MDN1: variants seen among roughly 807,000 people sequenced by gnomAD.
The protein encoded by MDN1 is midasin.
MDN1 carries 266 observed loss-of-function variants against 669.2 expected under a neutral mutation model. The ratio of observed to expected loss-of-function variants is 0.40; its 90% CI spans 0.36 to 0.44. The LOEUF (loss-of-function observed/expected upper bound fraction) is 0.44. MDN1 is among the 20% of genes least tolerant of loss of function. MDN1 has a pLI of 1.00. For synonymous variants in MDN1, 2,385 were observed against 2,457.1 expected, an observed-to-expected ratio of 0.97 and a Z score of 0.87; for missense variants, 5,940 against 6,754.0, an observed-to-expected ratio of 0.88 and a Z score of 4.22.
intron 49 of MDN1, 57 bp from the exon 50 acceptor site, chr6:89,710,851 G>A (rs374975599): frequency 2.0e-5 from 20 of 995,068 alleles, no homozygotes; most frequent in Middle Eastern, 4.1e-4. Context: ...CCAATTGAAC[G>A]TTCTGCAGTG....
In MDN1 at chr6:89,774,470, C is replaced by A. The variant is rs955926229; in HGVS notation, c.1934+151G>T. The A allele has an allele frequency of 9.2e-6, 5 of 543,938 alleles. No homozygotes were observed. In the East Asian group the frequency reaches 1.6e-4, roughly 17 times the overall value. The allele number at this position is 543,938 out of a possible 1,614,324, so 33.7% of individuals were successfully genotyped here. A position where few individuals can be genotyped will look rare whatever the true frequency, so the allele number is the denominator to read the frequency against. ...TTGATATCTAATTTCACAGAACATACTTTGGGAAAACACTGCTCCTTCCCA... is the reference window on the plus strand; with the variant it reads ...TTGATATCTAATTTCACAGAACATAATTTGGGAAAACACTGCTCCTTCCCA... On this transcript the variant is annotated intron_variant, in intron 13 of 101. Transcript: ENST00000369393.
chr6:89,662,056 A>G (rs1394734251), intron 87 of MDN1, 31 bp downstream of exon 87: 6 of 1,596,052 alleles, frequency 3.8e-6, no homozygotes, highest in Non-Finnish European at 5.1e-6. Flanking sequence ...CCTTGAGTCA[A>G]GAGAGCGGAT....
rs1365724504 is a variant in MDN1, at chr6:89,786,811, G to C, written c.1334+1043C>G. 2.0e-5 allele frequency among the ~76,000 whole-genome samples: 3 copies of C among 150,848 alleles called. No homozygotes were observed. The East Asian group carries it at 5.9e-4, about 30-fold the overall frequency. On this transcript the variant is annotated intron_variant, in intron 8 of 101. Transcript: ENST00000369393. Reference sequence around the variant, plus strand: ...GTGGTGGCAGGTGCCTGTAATCCCAGCTACCTGGCAGGCTGAGGTAGGAGA... The same window carrying C: ...GTGGTGGCAGGTGCCTGTAATCCCACCTACCTGGCAGGCTGAGGTAGGAGA...
Position 89,703,370 on chromosome 6 carries a change from G to C in MDN1, c.8149-1309C>G, listed in dbSNP as rs1584229675. Among the ~76,000 whole-genome samples, 3 of 58,230 alleles carry C rather than the reference G, an allele frequency of 5.2e-5. No homozygotes were observed. The South Asian group carries it at 2.0e-3, about 40-fold the overall frequency. The allele number at this position is 58,230 out of a possible 152,430, so 38.2% of individuals were successfully genotyped here. On this transcript the variant is annotated intron_variant, in intron 53 of 101. Coordinates refer to ENST00000369393, the MANE Select transcript of MDN1 (RefSeq NM_014611.3). ...AAAATAACTGACCATGTATGGGGAA[G>C]GGGGGGGGGTCTATCTGTGAATCCT... is the stretch of plus-strand genomic sequence containing the variant.
chr6:89,673,384 C>G lies in MDN1; in HGVS notation c.13326G>C (p.Leu4442Phe). ...VSVHLQGLES[L>F]FILPGMEVEQ... Reference sequence around the variant, plus strand: ...CAACCTCCATCCCTGGAAGAATGAACAAGGACTCTAGGCCCTGCAAATGAA... The same window carrying G: ...CAACCTCCATCCCTGGAAGAATGAAGAAGGACTCTAGGCCCTGCAAATGAA... Residue 4442 changes from leucine to phenylalanine, a missense_variant, in exon 80 of 102, where the codon TTG becomes TTC. Transcript: ENST00000369393. The G allele has an allele frequency of 6.2e-7, 1 of 1,614,192 alleles. No individual in the cohort carries two copies. Among genetic ancestry groups the G allele is most frequent in the Non-Finnish European group, 8.5e-7 (1 of 1,180,034 alleles).
intron 45 of MDN1, 118 bp downstream of exon 45, chr6:89,715,535 G>C: frequency 2.8e-6 from 2 of 707,276 alleles, no homozygotes; most frequent in Admixed American, 4.1e-5. Context: ...TTAATAAATG[G>C]GTGAACTTCT....
chr6:89,813,530 GAC>G (rs1768592699), intron 1 of MDN1, among the ~76,000 whole-genome samples: 1 of 140,898 alleles, frequency 7.1e-6, no homozygotes, highest in Non-Finnish European at 1.5e-5. Context: ...CAGCCTGGGT[GAC>G]AGAGCAGACT....
At chr6:89,761,898 C>A in intron 16 of MDN1, 150 bp from the exon 17 acceptor site, 1 of 602,740 alleles carries the variant, frequency 1.7e-6, no homozygotes. Flanking sequence ...TAACAAAATG[C>A]CAGACATGAC....
chr6:89,688,031 T>G (rs1307873804), intron 67 of MDN1, 47 bp downstream of exon 67: 1 of 1,488,450 alleles, frequency 6.7e-7, no homozygotes, highest in Non-Finnish European at 9.4e-7. Flanking sequence ...ACGTATCTTT[T>G]GCCAACTGAC....
Position 89,785,054 on chromosome 6 carries a change from G to C in MDN1, c.1407C>G (p.Thr469=), listed in dbSNP as rs2128325361. The change falls in exon 9 of 102, where the codon ACC becomes ACG. Residue 469 remains threonine, a synonymous_variant. Coordinates refer to ENST00000369393, the MANE Select transcript of MDN1 (RefSeq NM_014611.3). ...TATCCAGGTTATCCAGGTGAATTTT[G>C]GTCCAATATTTGTCTAGCAAAGTAG... The part of the protein sequence containing the change: ...SHATLLDKYW[T]KIHLDNLDKR... 2 of 1,613,836 alleles carry C rather than the reference G, an allele frequency of 1.2e-6. No individual in the cohort carries two copies. Among genetic ancestry groups the C allele is most frequent in the South Asian group, 1.1e-5 (1 of 91,072 alleles).
intron 40 of MDN1, among the ~76,000 whole-genome samples, chr6:89,722,615 G>T (rs961746301): frequency 6.6e-6 from 1 of 152,212 alleles, no homozygotes; most frequent in Non-Finnish European, 1.5e-5. Context: ...TTGGGAGGCT[G>T]AGACAGGTGG....
At chr6:89,752,195 C>T (rs1816990691) in intron 22 of MDN1, among the ~76,000 whole-genome samples, 1 of 152,160 alleles carries the variant, frequency 6.6e-6, no homozygotes, top group South Asian at 2.1e-4. Flanking sequence ...CCCCAGATTT[C>T]AAGCTACACG....
At position 89,741,659 on chromosome 6, in the gene MDN1, C is replaced by T. The variant is rs949244054; in HGVS notation, c.4449-1281G>A. On this transcript the variant is annotated intron_variant, in intron 31 of 101. Coordinates refer to ENST00000369393, the MANE Select transcript of MDN1 (RefSeq NM_014611.3). ...TTTTCAGACCCTGATTCTGATAAAA[C>T]GGCTAGCACCACCTGGAATGGAAAC... Among the ~76,000 whole-genome samples the T allele has an allele frequency of 1.2e-4, 19 of 152,236 alleles. No homozygotes were observed. The South Asian group carries it at 3.7e-3, about 30-fold the overall frequency.
Position 89,761,693 on chromosome 6 carries a change from T to C in MDN1, c.2412A>G (p.Gln804=). 10 of 1,612,994 alleles carry C rather than the reference T, an allele frequency of 6.2e-6. No homozygotes were observed. Among genetic ancestry groups the C allele is most frequent in the Non-Finnish European group, 8.5e-6 (10 of 1,179,492 alleles). ...EAFGLRLNHA[Q]QQMKMTENTL... Reference sequence around the variant, plus strand: ...TATTTTCAGTCATTTTCATCTGTTGTTGGGCATGGTTGAGTCTAAGACCAA... The same window carrying C: ...TATTTTCAGTCATTTTCATCTGTTGCTGGGCATGGTTGAGTCTAAGACCAA... The change falls in exon 17 of 102, where the codon CAA becomes CAG. Residue 804 remains glutamine, a synonymous_variant. Transcript: ENST00000369393.
rs1296439970 is a variant in MDN1 at position 89,654,257 on chromosome 6, G to A, written c.15568C>T (p.Leu5190Phe). The A allele has an allele frequency of 1.9e-6, 3 of 1,614,094 alleles. No homozygotes were observed. In the African/African-American group the frequency reaches 4.0e-5, roughly 22 times the overall value. The stretch of plus-strand genomic sequence containing the variant: ...TCCTCCTGCTCCTCTGTGTCCATAA[G>A]GGTGTCCTCTATCTCCTCCTCTTCC... ...DQEEEEIEDT[L>F]MDTEEQEEFK... Residue 5190 changes from leucine (L) to phenylalanine (F), a missense_variant, in exon 93 of 102, where the codon CTT becomes TTT. Leu to Phe is a conservative substitution (Grantham distance 22). Around this residue, in one of 5 missense-constraint regions of MDN1, gnomAD observed 2,280 missense variants for 2,576.3 expected, o/e 0.88. Transcript: ENST00000369393.
chr6:89,688,684 G>A lies in MDN1; in HGVS notation c.11148C>T (p.Tyr3716=). The change falls in exon 66 of 102, where the codon TAC becomes TAT. Residue 3716 remains tyrosine, a synonymous_variant. Coordinates refer to ENST00000369393, the MANE Select transcript of MDN1 (RefSeq NM_014611.3). ...GTGCTTCTGGAACATTGGGATGCTG[G>A]TAGAAGTCATAGGGCCCATCAGGTT... The part of the protein sequence containing the change: ...MVKPDGPYDF[Y]QHPNVPEARQ... 6.2e-7 allele frequency: 1 copy of A among 1,614,166 alleles called. No homozygotes were observed. Among genetic ancestry groups the A allele is most frequent in the South Asian group, 1.1e-5 (1 of 91,080 alleles).
rs1810372199 is a variant in MDN1, at chr6:89,667,867, C to A, written c.14094+147G>T. The A allele has an allele frequency of 3.6e-6, 3 of 837,998 alleles. No homozygotes were observed. In the South Asian group the frequency reaches 1.3e-4, roughly 35 times the overall value. 51.9% of individuals were successfully genotyped at this position (837,998 alleles called of 1,614,324 possible). ...GGATTTTAGGCTTTTTATTTACACCCACTGCCGAAGCACCAATATATCTAG... is the reference window on the plus strand; with the variant it reads ...GGATTTTAGGCTTTTTATTTACACCAACTGCCGAAGCACCAATATATCTAG... On this transcript the variant is annotated intron_variant, in intron 84 of 101. Transcript: ENST00000369393.
chr6:89,668,031 T>C lies in MDN1; in HGVS notation c.14077A>G (p.Ile4693Val), dbSNP rs1348478290. The C allele has an allele frequency of 1.2e-6, 2 of 1,613,902 alleles. No individual in the cohort carries two copies. Among genetic ancestry groups the C allele is most frequent in the Non-Finnish European group, 8.5e-7 (1 of 1,179,870 alleles). Residue 4693 changes from isoleucine (I) to valine (V), a missense_variant, in exon 84 of 102, where the codon ATC (isoleucine) becomes GTC (valine). This residue lies in a region of MDN1 where 2,280 missense variants were observed against 2,576.3 expected (regional missense o/e 0.88). Coordinates refer to ENST00000369393, the MANE Select transcript of MDN1 (RefSeq NM_014611.3). ...AAACGTACCTGTTCTTCATTTCCGATCTGGTCACTCACATCCTTCATGCCC... is the reference window on the plus strand; with the variant it reads ...AAACGTACCTGTTCTTCATTTCCGACCTGGTCACTCACATCCTTCATGCCC... ...GEGMKDVSDQ[I>V]GNEEQVEDTF...
rs1039518690 is a variant in MDN1, at chr6:89,694,067, G to A, written c.9881+7C>T. The A allele has an allele frequency of 1.9e-6, 3 of 1,607,008 alleles. No individual in the cohort carries two copies. The highest frequency in any genetic ancestry group is 2.6e-6 in the Non-Finnish European group (3 of 1,173,468). ...CCCCAAAACAAATAATCACTCTGCTGTGTTACCTGACGTGAGGATGAGAGT... is the reference window on the plus strand; with the variant it reads ...CCCCAAAACAAATAATCACTCTGCTATGTTACCTGACGTGAGGATGAGAGT... On this transcript the variant is annotated splice_region_variant and intron_variant, in intron 62 of 101. Coordinates refer to ENST00000369393, the MANE Select transcript of MDN1 (RefSeq NM_014611.3).
Sources: gnomAD v4.1 joint callset for allele counts (sites outside exome capture counted in the v4.1 genomes callset) on GRCh38, gnomAD v4.1.1 for gene constraint, gnomAD v4.1.1 regional missense constraint, MANE v1.5 for transcripts, NCBI Gene and HGNC (gene_info 2026-07-23, HGNC 2026-07-21) for gene names.